The following SDK1 variants were observed in gnomAD, a reference collection of about 807,000 sequenced individuals.
SDK1 encodes sidekick cell adhesion molecule 1.
In SDK1, 157 loss-of-function variants were observed where a neutral mutation model predicts 245.5. The observed-to-expected ratio is 0.64, with a 90% CI of 0.56 to 0.73. The LOEUF is 0.73. Ranked by LOEUF, SDK1 falls within the 30% of genes least tolerant of loss-of-function variation. The pLI is 0.00. For synonymous variants in SDK1, 1,647 were observed against 1,278.5 expected (o/e 1.29, Z -6.15); for missense variants, 3,583 against 3,002.3 (o/e 1.19, Z -4.52).
chr7:3,582,558 A>T lies in SDK1; in HGVS notation c.299-36522A>T, dbSNP rs915781391. On this transcript the variant is annotated intron_variant, in intron 1 of 44. Coordinates refer to ENST00000404826, the MANE Select transcript of SDK1 (RefSeq NM_152744.4). ...GGTGGAGGGTGGGAGGAGGGAAATG[A>T]TAAGAAAATTAACTATTGGGTACTA... 1.3e-5 allele frequency among the ~76,000 whole-genome samples: 2 copies of T among 151,984 alleles called. 1 individual carries two copies. Among genetic ancestry groups the T allele is most frequent in the Non-Finnish European group, 2.9e-5 (2 of 68,002 alleles).
At chr7:3,658,609 C>CTTTTTTT (rs71029690) in intron 4 of SDK1, among the ~76,000 whole-genome samples, 4 of 101,964 alleles carry the variant, frequency 3.9e-5, no homozygotes, top group African/African-American at 7.7e-5. Context: ...CTACTATCTT[C>CTTTTTTT]TTTTTTTTTT....
At chr7:3,595,466 T>G (rs559705520) in intron 1 of SDK1, among the ~76,000 whole-genome samples, 1 of 152,072 alleles carries the variant, frequency 6.6e-6, no homozygotes, top group Non-Finnish European at 1.5e-5. Context: ...GTATGTATAT[T>G]TTCTCATTTT....
chr7:3,484,260 A>G (rs564725005), intron 1 of SDK1, among the ~76,000 whole-genome samples: 1 of 152,308 alleles, frequency 6.6e-6, no homozygotes, highest in East Asian at 1.9e-4. Flanking sequence ...GTTTTGTAGG[A>G]TTTGAACTGC....
chr7:3,371,178 G>C (rs1283703726), intron 1 of SDK1, among the ~76,000 whole-genome samples: 1 of 152,132 alleles, frequency 6.6e-6, no homozygotes, highest in Non-Finnish European at 1.5e-5. Context: ...TACTAGCCAG[G>C]CTCAGAGGAG....
intron 5 of SDK1, among the ~76,000 whole-genome samples, chr7:3,826,456 C>G (rs1779777716): frequency 6.6e-6 from 1 of 152,214 alleles, no homozygotes; most frequent in African/African-American, 2.4e-5. Flanking sequence ...GGCGACGTGG[C>G]TTCTACTAAC....
At chr7:4,012,022 A>C (rs1377304127) in intron 15 of SDK1, 73 bp from the exon 16 acceptor site, 5 of 1,257,124 alleles carry the variant, frequency 4.0e-6, no homozygotes, top group South Asian at 2.5e-5. Context: ...TCAGCAAGAT[A>C]GATGAAATGC....
At chr7:3,513,903 A>G (rs2128612256) in intron 1 of SDK1, among the ~76,000 whole-genome samples, 2 of 152,264 alleles carry the variant, frequency 1.3e-5, no homozygotes, top group South Asian at 4.1e-4. Context: ...CTGTTCTTGC[A>G]TTAATTTGCC....
intron 5 of SDK1, among the ~76,000 whole-genome samples, chr7:3,843,407 A>C (rs1419667133): frequency 1.3e-5 from 2 of 152,228 alleles, no homozygotes; most frequent in African/African-American, 4.8e-5. Context: ...CTATTTGAAA[A>C]AGGAGCTCTT....
At chr7:3,498,314 G>A (rs961689513) in intron 1 of SDK1, among the ~76,000 whole-genome samples, 1 of 152,056 alleles carries the variant, frequency 6.6e-6, no homozygotes, top group Non-Finnish European at 1.5e-5. Context: ...GGTAGACTTC[G>A]GTTCTAGGAC....
chr7:3,987,387 C>A, intron 14 of SDK1, 65 bp downstream of exon 14: 1 of 1,543,600 alleles, frequency 6.5e-7, no homozygotes, highest in Non-Finnish European at 8.9e-7. Flanking sequence ...CTCTTAATGT[C>A]CTTAACCTTT....
chr7:3,564,625 AAATT>A (rs550196717), intron 1 of SDK1, among the ~76,000 whole-genome samples: 3 of 152,292 alleles, frequency 2.0e-5, no homozygotes, highest in Admixed American at 6.5e-5. Flanking sequence ...TAAAATGAAT[AAATT>A]CTCAGAAAAA....
chr7:3,529,558 T>G (rs962600802), intron 1 of SDK1, among the ~76,000 whole-genome samples: 2 of 151,940 alleles, frequency 1.3e-5, no homozygotes, highest in Non-Finnish European at 2.9e-5. Context: ...TTTGTTGTTG[T>G]TGTTGTTGTT....
At chr7:4,102,954 T>TAAAAAAAAAAA (rs34174910) in intron 22 of SDK1, among the ~76,000 whole-genome samples, 2 of 113,236 alleles carry the variant, frequency 1.8e-5, no homozygotes, top group Non-Finnish European at 3.6e-5. Context: ...TAAAAAAAGT[T>TAAAAAAAAAAA]AAAAAAAAAA....
At chr7:3,814,751 A>G (rs12536277) in intron 4 of SDK1, among the ~76,000 whole-genome samples, 32,841 of 149,924 alleles carry the variant, frequency 0.22, 3,790 homozygotes, top group Middle Eastern at 0.38. Context: ...ATGAGCATGG[A>G]ATGTTCTTCC....
intron 4 of SDK1, among the ~76,000 whole-genome samples, chr7:3,727,622 C>T (rs965345393): frequency 2.6e-5 from 4 of 152,176 alleles, no homozygotes; most frequent in African/African-American, 9.6e-5. Flanking sequence ...TCCTGAGTAG[C>T]TGGGATTATA....
chr7:4,203,489 C>CTAAAT (rs1413541297), intron 35 of SDK1, among the ~76,000 whole-genome samples: 3 of 151,698 alleles, frequency 2.0e-5, no homozygotes, highest in African/African-American at 7.3e-5. Flanking sequence ...CAGCAATTGC[C>CTAAAT]GGTCTAAAAT....
intron 1 of SDK1, among the ~76,000 whole-genome samples, chr7:3,597,717 A>G (rs746621836): frequency 3.3e-5 from 5 of 152,158 alleles, no homozygotes; most frequent in Non-Finnish European, 5.9e-5. Context: ...GTGCAGTGCA[A>G]TGGCCTCCCA....
Position 3,962,772 on chromosome 7 carries a change from A to G in SDK1, c.1350A>G (p.Pro450=). 6.2e-7 allele frequency: 1 copy of G among 1,613,748 alleles called. No individual in the cohort carries two copies. Among genetic ancestry groups the G allele is most frequent in the Non-Finnish European group, 8.5e-7 (1 of 1,179,872 alleles). ...GCCTGCGCATCCAGAAGCTGCGTCC[A>G]GAGGACTCCGGAATCTTCCAGTGCT... The part of the protein sequence containing the change: ...SGGLRIQKLR[P]EDSGIFQCFA... The change falls in exon 9 of 45, where the codon CCA becomes CCG. Residue 450 remains proline, a synonymous_variant. Coordinates refer to ENST00000404826, the MANE Select transcript of SDK1 (RefSeq NM_152744.4).
At chr7:3,750,066 A>G (rs1373592220) in intron 4 of SDK1, among the ~76,000 whole-genome samples, 1 of 152,232 alleles carries the variant, frequency 6.6e-6, no homozygotes, top group African/African-American at 2.4e-5. Context: ...TTTGCCTAGC[A>G]GAAAATTCAC....
Sources: gnomAD v4.1 joint callset for allele counts (sites outside exome capture counted in the v4.1 genomes callset) on GRCh38, gnomAD v4.1.1 for gene constraint, MANE v1.5 for transcripts, NCBI Gene and HGNC (gene_info 2026-07-23, HGNC 2026-07-21) for gene names.